CCDC6: variants seen among roughly 807,000 people sequenced by gnomAD.
CCDC6 encodes coiled-coil domain containing 6, also known as coiled-coil domain-containing protein 6.
Under a neutral mutation model 56.6 loss-of-function variants are expected in CCDC6, and 20 were observed. The ratio of observed to expected loss-of-function variants is 0.35; its 90% CI spans 0.25 to 0.51. CCDC6 has a LOEUF of 0.51. Among genes scored for constraint, CCDC6 ranks in the 20% least tolerant of loss-of-function variants. The pLI is 0.95. For missense variants in CCDC6, 367 were observed against 601.1 expected, an observed-to-expected ratio of 0.61 and a Z score of 4.07; for synonymous variants, 241 against 234.4, an observed-to-expected ratio of 1.03 and a Z score of -0.26.
intron 1 of CCDC6, among the ~76,000 whole-genome samples, chr10:59,866,961 T>A (rs1228095539): frequency 6.6e-6 from 1 of 152,194 alleles, no homozygotes; most frequent in Non-Finnish European, 1.5e-5. Context: ...CAAGAGGTAC[T>A]CTTTCAGACT....
At chr10:59,846,921 T>G (rs190725463) in intron 2 of CCDC6, among the ~76,000 whole-genome samples, 4 of 152,332 alleles carry the variant, frequency 2.6e-5, no homozygotes, top group Admixed American at 1.3e-4. Context: ...AGTTGATGCT[T>G]TGGCCCTGCA....
intron 1 of CCDC6, among the ~76,000 whole-genome samples, chr10:59,854,826 T>A (rs1265887858): frequency 6.6e-6 from 1 of 152,232 alleles, no homozygotes; most frequent in Non-Finnish European, 1.5e-5. Flanking sequence ...TTTTTCTGGT[T>A]TTGACCGACA....
chr10:59,886,456 A>C (rs1434657123), intron 1 of CCDC6, among the ~76,000 whole-genome samples: 2 of 152,162 alleles, frequency 1.3e-5, no homozygotes, highest in Non-Finnish European at 2.9e-5. Flanking sequence ...TGTTTATGCA[A>C]TTTAAAAGAA....
Position 59,807,037 on chromosome 10 carries a change from T to C in CCDC6, c.889A>G (p.Met297Val). ...MAQYLEEERH[M>V]REENLRLQRK... ...TGGAGCCTCAAGTTCTCTTCTCTCA[T>C]GTGACGTTCCTCCTCCAGATACTGT... is the stretch of plus-strand genomic sequence containing the variant. Residue 297 changes from methionine (M) to valine (V), a missense_variant, in exon 6 of 9, where the codon ATG (methionine) becomes GTG (valine). Physicochemically the swap from Met to Val is conservative, Grantham distance 21 (BLOSUM62 1). Transcript: ENST00000263102. 6.2e-7 allele frequency: 1 copy of C among 1,614,102 alleles called. No individual in the cohort carries two copies. Among genetic ancestry groups the C allele is most frequent in the Non-Finnish European group, 8.5e-7 (1 of 1,179,954 alleles).
chr10:59,899,214 A>C (rs2071486097), intron 1 of CCDC6, among the ~76,000 whole-genome samples: 1 of 152,252 alleles, frequency 6.6e-6, no homozygotes, highest in Admixed American at 6.5e-5. Flanking sequence ...ACCATCACCA[A>C]GCAGGAACAT....
At chr10:59,834,694 A>G (rs41347048) in intron 2 of CCDC6, among the ~76,000 whole-genome samples, 2,650 of 152,284 alleles carry the variant, frequency 0.017, 30 homozygotes, top group Middle Eastern at 0.044. Flanking sequence ...AACCTCGTCA[A>G]TCTTGCAGGG....
At chr10:59,862,088 CAGTATAAAAAT>C (rs1442126100) in intron 1 of CCDC6, among the ~76,000 whole-genome samples, 5 of 152,064 alleles carry the variant, frequency 3.3e-5, no homozygotes, top group African/African-American at 1.2e-4. Context: ...AGAAAAAGGA[CAGTATAAAAAT>C]AGTGAAAAGG....
chr10:59,887,217 A>G (rs1258031332), intron 1 of CCDC6, among the ~76,000 whole-genome samples: 1 of 152,158 alleles, frequency 6.6e-6, no homozygotes, highest in Non-Finnish European at 1.5e-5. Context: ...TAAGCAAGTC[A>G]CCCAACCCTC....
intron 1 of CCDC6, among the ~76,000 whole-genome samples, chr10:59,857,246 A>G (rs1390195560): frequency 1.3e-5 from 2 of 152,194 alleles, no homozygotes; most frequent in Non-Finnish European, 2.9e-5. Flanking sequence ...AAAATTACAG[A>G]AAATATTTTA....
Position 59,815,998 on chromosome 10 carries a change from G to A in CCDC6, c.583-1243C>T, listed in dbSNP as rs543593342. On this transcript the variant is annotated intron_variant, in intron 3 of 8. Transcript: ENST00000263102. ...GACATTCCCCTTTCTGAAACTCTTC[G>A]TAGCTTAGTCTTAAGAAGCAACAAT... Among the ~76,000 whole-genome samples, 11 of 152,188 alleles carry A rather than the reference G, an allele frequency of 7.2e-5. 1 individual carries two copies. The highest frequency in any genetic ancestry group is 6.8e-3 in the Middle Eastern group (2 of 294).
intron 1 of CCDC6, among the ~76,000 whole-genome samples, chr10:59,889,804 G>A (rs770321203): frequency 4.6e-5 from 7 of 152,098 alleles, no homozygotes; most frequent in Admixed American, 6.5e-5. Flanking sequence ...CTTGGTGACC[G>A]CAGCCCCTGG....
intron 1 of CCDC6, among the ~76,000 whole-genome samples, chr10:59,873,953 A>G (rs2132670433): frequency 6.6e-6 from 1 of 152,346 alleles, no homozygotes. Flanking sequence ...ATGTTGAGGC[A>G]GTAGCACATT....
chr10:59,845,944 T>C (rs1234847699), intron 2 of CCDC6, among the ~76,000 whole-genome samples: 1 of 152,250 alleles, frequency 6.6e-6, no homozygotes, highest in Non-Finnish European at 1.5e-5. Flanking sequence ...ACATTATTTA[T>C]CAGCTTGACA....
intron 1 of CCDC6, among the ~76,000 whole-genome samples, chr10:59,899,826 G>A (rs1424364387): frequency 1.3e-5 from 2 of 152,182 alleles, no homozygotes; most frequent in Non-Finnish European, 2.9e-5. Flanking sequence ...GGAACACCCA[G>A]GTGTATGCTG....
At chr10:59,900,211 G>A (rs573794479) in intron 1 of CCDC6, among the ~76,000 whole-genome samples, 13 of 151,946 alleles carry the variant, frequency 8.6e-5, no homozygotes, top group South Asian at 2.1e-4. Flanking sequence ...GGGTGGGGGG[G>A]GTGGTGTCTA....
intron 2 of CCDC6, among the ~76,000 whole-genome samples, chr10:59,843,946 C>T (rs970895684): frequency 6.6e-6 from 1 of 152,192 alleles, no homozygotes; most frequent in African/African-American, 2.4e-5. Flanking sequence ...ACGACCAAAA[C>T]CACAATTTAC....
At position 59,837,746 on chromosome 10, in the gene CCDC6, C is replaced by CAAAAA. The variant is rs397940135; in HGVS notation, c.454-5098_454-5094dup. ...GGGCAACAAGAGTGAGACTCTGTCTCAAAAAAAAAAAAAAAAAAAAAAAAG... is the reference window on the plus strand; with the variant it reads ...GGGCAACAAGAGTGAGACTCTGTCTCAAAAAAAAAAAAAAAAAAAAAAAAAAAAAG... On this transcript the variant is annotated intron_variant, in intron 2 of 8. Transcript: ENST00000263102. 6.0e-3 allele frequency among the ~76,000 whole-genome samples: 298 copies of CAAAAA among 49,620 alleles called. 9 individuals are homozygous for CAAAAA. The highest frequency in any genetic ancestry group is 8.3e-3 in the East Asian group (11 of 1,318). 32.6% of individuals were successfully genotyped at this position (49,620 alleles called of 152,430 possible).
At chr10:59,882,699 G>A (rs984759318) in intron 1 of CCDC6, among the ~76,000 whole-genome samples, 1 of 147,438 alleles carries the variant, frequency 6.8e-6, no homozygotes, top group Admixed American at 6.8e-5. Flanking sequence ...AGTGGCTCAC[G>A]CCTGTAATCC....
At position 59,794,759 on chromosome 10, in the gene CCDC6, T is replaced by C. The variant is rs142140971; in HGVS notation, c.1106-162A>G. 9.9e-5 allele frequency among the ~76,000 whole-genome samples: 15 copies of C among 152,086 alleles called. No homozygotes were observed. In the East Asian group the frequency reaches 2.7e-3, roughly 27 times the overall value. On this transcript the variant is annotated intron_variant, in intron 7 of 8. Coordinates refer to ENST00000263102, the MANE Select transcript of CCDC6 (RefSeq NM_005436.5). ...TAAATGGTGTGGATAACAAGGGAAATAAATGTTAATTCCTAGGATAGAACA... is the reference window on the plus strand; with the variant it reads ...TAAATGGTGTGGATAACAAGGGAAACAAATGTTAATTCCTAGGATAGAACA...
Sources: gnomAD v4.1 joint callset for allele counts (sites outside exome capture counted in the v4.1 genomes callset) on GRCh38, gnomAD v4.1.1 for gene constraint, MANE v1.5 for transcripts, NCBI Gene and HGNC (gene_info 2026-07-23, HGNC 2026-07-21) for gene names.